Variants in HMCN1 observed in about 807,000 individuals in gnomAD.
HMCN1 encodes the protein hemicentin-1.
Under a neutral mutation model 625.9 loss-of-function variants are expected in HMCN1, and 321 were observed. The observed-to-expected ratio is 0.51, with a 90% CI of 0.47 to 0.56. The LOEUF (loss-of-function observed/expected upper bound fraction) is 0.56, where lower values mean the gene tolerates loss of function less well. Among genes scored for constraint, HMCN1 ranks in the 20% least tolerant of loss-of-function variants. HMCN1 has a pLI of 0.00. For missense variants in HMCN1, 6,588 were observed against 6,887.3 expected (o/e 0.96, Z 1.54); for synonymous variants, 2,425 against 2,417.6 (o/e 1.00, Z -0.09).
intron 18 of HMCN1, 91 bp from the exon 19 acceptor site, chr1:185,984,078 C>A: frequency 1.1e-6 from 1 of 945,800 alleles, no homozygotes; most frequent in Non-Finnish European, 1.6e-6. Context: ...TTTTAGTAAC[C>A]CAGTTGGGAA....
At chr1:186,066,540 C>T (rs939529482) in intron 49 of HMCN1, among the ~76,000 whole-genome samples, 4 of 152,230 alleles carry the variant, frequency 2.6e-5, no homozygotes, top group Non-Finnish European at 4.4e-5. Context: ...GCAGCTTCAC[C>T]GTCTACTGTC....
At chr1:185,926,989 A>G (rs1039200339) in intron 9 of HMCN1, among the ~76,000 whole-genome samples, 4 of 152,244 alleles carry the variant, frequency 2.6e-5, no homozygotes, top group Admixed American at 1.3e-4. Context: ...TTCATCATCA[A>G]GAAAGGAACA....
At chr1:186,070,547 T>C (rs1658413904) in intron 51 of HMCN1, 65 bp from the exon 52 acceptor site, 1 of 1,374,636 alleles carries the variant, frequency 7.3e-7, no homozygotes, top group South Asian at 1.2e-5. Flanking sequence ...CTCAGTGTGA[T>C]TTCTGTGGTA....
chr1:186,026,370 T>G (rs759246917), intron 36 of HMCN1, among the ~76,000 whole-genome samples: 5 of 152,216 alleles, frequency 3.3e-5, no homozygotes, highest in Non-Finnish European at 7.3e-5. Context: ...TTCCAATTAC[T>G]GTAGGTATGA....
intron 36 of HMCN1, among the ~76,000 whole-genome samples, chr1:186,034,365 C>T (rs1387616516): frequency 1.3e-5 from 2 of 152,136 alleles, no homozygotes; most frequent in Non-Finnish European, 2.9e-5. Context: ...ATTTAAGCTA[C>T]CAAGTTTGAG....
intron 25 of HMCN1, among the ~76,000 whole-genome samples, chr1:185,999,800 T>C (rs1279728872): frequency 6.6e-6 from 1 of 152,112 alleles, no homozygotes; most frequent in Non-Finnish European, 1.5e-5. Context: ...ATCATCTGAA[T>C]GTTTAGATAA....
intron 15 of HMCN1, among the ~76,000 whole-genome samples, chr1:185,975,333 A>AGG (rs1651122123): frequency 6.6e-6 from 1 of 152,132 alleles, no homozygotes; most frequent in Non-Finnish European, 1.5e-5. Context: ...AAGCATGGCT[A>AGG]GGGAGGACTC....
chr1:186,117,773 T>C (rs574736991), intron 77 of HMCN1, 150 bp downstream of exon 77: 8 of 813,238 alleles, frequency 9.8e-6, no homozygotes, highest in Non-Finnish European at 1.6e-5. Flanking sequence ...TTAAAACATA[T>C]TTTTAACATA....
intron 1 of HMCN1, among the ~76,000 whole-genome samples, chr1:185,821,110 A>G (rs1262687437): frequency 3.3e-5 from 5 of 151,976 alleles, no homozygotes; most frequent in Non-Finnish European, 7.4e-5. Context: ...TATTTTGTCA[A>G]CTTTAAAGCA....
rs1180687852 is a variant in HMCN1 at position 186,119,771 on chromosome 1, A to G, written c.11983A>G (p.Ser3995Gly). 3.7e-6 allele frequency: 6 copies of G among 1,613,910 alleles called. No individual in the cohort carries two copies. The highest frequency in any genetic ancestry group is 5.1e-6 in the Non-Finnish European group (6 of 1,179,942). The part of the protein sequence containing the change: ...HEPPVIQPQP[S>G]ELHVILNNPI... ...GCCTCCAGTCATTCAGCCCCAACCA[A>G]GTGAACTACACGTCATTCTGAACAA... is the stretch of plus-strand genomic sequence containing the variant. The change falls in exon 79 of 107, where the codon AGT (serine) becomes GGT (glycine). Residue 3995 changes from serine (S) to glycine (G), a missense_variant. Ser to Gly is a moderately conservative substitution (Grantham distance 56). Coordinates refer to ENST00000271588, the MANE Select transcript of HMCN1 (RefSeq NM_031935.3).
At chr1:185,995,807 G>A (rs1008540982) in intron 24 of HMCN1, among the ~76,000 whole-genome samples, 1 of 152,066 alleles carries the variant, frequency 6.6e-6, no homozygotes, top group African/African-American at 2.4e-5. Flanking sequence ...GGAAAGAACC[G>A]GCCACATGAA....
At chr1:186,059,320 T>C (rs1412435249) in intron 46 of HMCN1, among the ~76,000 whole-genome samples, 2 of 152,072 alleles carry the variant, frequency 1.3e-5, no homozygotes, top group Non-Finnish European at 2.9e-5. Flanking sequence ...TATTCATCTT[T>C]CTGGCTTTTT....
At chr1:185,872,879 T>A (rs1272952910) in intron 4 of HMCN1, among the ~76,000 whole-genome samples, 1 of 152,096 alleles carries the variant, frequency 6.6e-6, no homozygotes. Flanking sequence ...GAAAGTATTA[T>A]CCCATAAGAC....
At chr1:186,064,633 C>T (rs1411565676) in intron 48 of HMCN1, among the ~76,000 whole-genome samples, 1 of 151,648 alleles carries the variant, frequency 6.6e-6, no homozygotes, top group Non-Finnish European at 1.5e-5. Context: ...CACGGTGAAA[C>T]CCCGTCTCTA....
At chr1:185,749,703 A>G (rs1258390036) in intron 1 of HMCN1, among the ~76,000 whole-genome samples, 2 of 151,974 alleles carry the variant, frequency 1.3e-5, no homozygotes, top group Non-Finnish European at 2.9e-5. Flanking sequence ...CTCTACAGGT[A>G]CTCCTCTAGC....
intron 58 of HMCN1, 119 bp from the exon 59 acceptor site, chr1:186,087,098 G>T (rs774048674): frequency 4.3e-5 from 31 of 717,162 alleles, no homozygotes; most frequent in Middle Eastern, 5.4e-4. Flanking sequence ...AAATAGGAAG[G>T]CTTCTCTATA....
chr1:185,934,524 A>G (rs1485827036), intron 11 of HMCN1, among the ~76,000 whole-genome samples: 1 of 152,222 alleles, frequency 6.6e-6, no homozygotes, highest in East Asian at 1.9e-4. Flanking sequence ...ACGATCAGAA[A>G]CCACTCCAAA....
intron 80 of HMCN1, among the ~76,000 whole-genome samples, chr1:186,121,918 GA>G (rs1015632648): frequency 2.0e-5 from 3 of 152,144 alleles, no homozygotes; most frequent in Non-Finnish European, 2.9e-5. Flanking sequence ...GAAGGCTAGG[GA>G]AGGTTAGTGT....
chr1:185,824,936 C>T (rs1008356030), intron 1 of HMCN1, among the ~76,000 whole-genome samples: 4 of 151,880 alleles, frequency 2.6e-5, no homozygotes, highest in South Asian at 4.1e-4. Context: ...TCTATTATTG[C>T]GGCCAAAGAT....
Sources: allele counts gnomAD v4.1 joint callset (sites outside exome capture counted in the v4.1 genomes callset), GRCh38; gene constraint gnomAD v4.1.1; transcripts MANE v1.5; gene names NCBI Gene and HGNC (gene_info 2026-07-23, HGNC 2026-07-21).